CCDC92B: variants seen among roughly 807,000 people sequenced by gnomAD.
The protein encoded by CCDC92B is coiled-coil domain-containing 92B.
A neutral mutation model predicts 5.6 loss-of-function variants in CCDC92B; 2 were observed. The ratio of observed to expected loss-of-function variants is 0.36; its 90% CI spans 0.15 to 1.12. CCDC92B has a LOEUF of 1.12. CCDC92B is among the 50% of genes most tolerant of loss of function. The pLI, the probability that CCDC92B is intolerant of heterozygous loss-of-function variation, is 0.40. For synonymous variants in CCDC92B, 115 were observed against 122.3 expected, an observed-to-expected ratio of 0.94 and a Z score of 0.39; for missense variants, 271 against 262.2, an observed-to-expected ratio of 1.03 and a Z score of -0.23.
intron 1 of CCDC92B, among the ~76,000 whole-genome samples, chr17:2,741,788 T>A (rs1473442594): frequency 6.6e-6 from 1 of 150,878 alleles, no homozygotes; most frequent in Non-Finnish European, 1.5e-5. Flanking sequence ...GAGATGGAGT[T>A]TCACCGTGTT....
chr17:2,733,943 A>G (rs1013308285), intron 2 of CCDC92B, among the ~76,000 whole-genome samples: 4 of 151,332 alleles, frequency 2.6e-5, no homozygotes, highest in Admixed American at 1.3e-4. Context: ...TATTTTTAGT[A>G]GAGACGGGGT....
intron 1 of CCDC92B, among the ~76,000 whole-genome samples, chr17:2,745,373 A>G (rs901242079): frequency 1.3e-5 from 2 of 152,096 alleles, no homozygotes; most frequent in African/African-American, 2.4e-5. Flanking sequence ...CTGAAGAGTA[A>G]AAACCCTTCC....
chr17:2,736,810 G>A (rs1416501911), intron 1 of CCDC92B, among the ~76,000 whole-genome samples: 2 of 151,732 alleles, frequency 1.3e-5, no homozygotes, highest in Non-Finnish European at 2.9e-5. Flanking sequence ...GAACCCGGGA[G>A]GTGGAAGCTC....
intron 3 of CCDC92B, among the ~76,000 whole-genome samples, chr17:2,729,882 TA>T (rs1266250322): frequency 1.3e-5 from 2 of 152,170 alleles, no homozygotes; most frequent in African/African-American, 2.4e-5. Flanking sequence ...CAGGATTTAC[TA>T]ATGTGTGTGT....
At chr17:2,745,923 T>C (rs570421762) in intron 1 of CCDC92B, among the ~76,000 whole-genome samples, 5 of 152,316 alleles carry the variant, frequency 3.3e-5, no homozygotes, top group Non-Finnish European at 7.4e-5. Context: ...CTCCTTCTTC[T>C]GGTTCTCTGA....
At position 2,724,767 on chromosome 17, in the gene CCDC92B, C is replaced by A. The variant is rs2070705020; in HGVS notation, c.412G>T (p.Ala138Ser). ...GCGTGCAGCTGGCAGGAGAGGTAGG[C>A]GGCCGCCTCGGTGTGCTTCTGCAGC... Reference protein sequence around the residue: ...TELQKHTEAAAYLSCQLHAAR... With the variant: ...TELQKHTEAASYLSCQLHAAR... Residue 138 changes from alanine to serine, a missense_variant, in exon 4 of 4, where the codon GCC (alanine) becomes TCC (serine). By Grantham distance (99) the Ala-to-Ser change is moderately conservative (BLOSUM62 1). Coordinates refer to ENST00000614400, the MANE Select transcript of CCDC92B (RefSeq NM_001355573.2). The surrounding 1 kb of genome is among the most constrained non-coding windows in gnomAD (Gnocchi z 5.0). 7.1e-6 allele frequency: 7 copies of A among 983,404 alleles called. No homozygotes were observed. In the African/African-American group the frequency reaches 1.2e-4, roughly 17 times the overall value. 60.9% of individuals were successfully genotyped at this position (983,404 alleles called of 1,614,324 possible).
In CCDC92B at chr17:2,722,026, G is replaced by A. The variant is rs1429920102; in HGVS notation, c.*2385C>T. 1 of 152,150 alleles carries A rather than the reference G, an allele frequency of 6.6e-6. No homozygotes were observed. Among genetic ancestry groups the A allele is most frequent in the African/African-American group, 2.4e-5 (1 of 41,392 alleles). The allele number at this position is 152,150 out of a possible 1,614,324, so 9.4% of individuals were successfully genotyped here. On this transcript the variant is annotated 3_prime_UTR_variant, in exon 4 of 4. Coordinates refer to ENST00000614400, the MANE Select transcript of CCDC92B (RefSeq NM_001355573.2). Reference sequence around the variant, plus strand: ...GCTGGGGGGAGGCCAGGCGGACGGAGCTATGGCTTTTAGTGGGTGGGTGGG... The same window carrying A: ...GCTGGGGGGAGGCCAGGCGGACGGAACTATGGCTTTTAGTGGGTGGGTGGG...
chr17:2,738,631 G>C (rs2070881650), intron 1 of CCDC92B, among the ~76,000 whole-genome samples: 1 of 151,640 alleles, frequency 6.6e-6, no homozygotes, highest in African/African-American at 2.4e-5. Flanking sequence ...GTGGTGGCGG[G>C]CGCCTGTAGT....
At chr17:2,739,208 A>C (rs1472492731) in intron 1 of CCDC92B, among the ~76,000 whole-genome samples, 2 of 150,382 alleles carry the variant, frequency 1.3e-5, no homozygotes, top group East Asian at 3.9e-4. Flanking sequence ...TCTACTAAAA[A>C]TACAAAAAAT....
At chr17:2,729,874 G>T (rs2070774385) in intron 3 of CCDC92B, among the ~76,000 whole-genome samples, 1 of 152,124 alleles carries the variant, frequency 6.6e-6, no homozygotes, top group Non-Finnish European at 1.5e-5. Context: ...GTAAAATGCA[G>T]GATTTACTAA....
At chr17:2,740,036 T>G (rs1168617790) in intron 1 of CCDC92B, among the ~76,000 whole-genome samples, 1 of 152,026 alleles carries the variant, frequency 6.6e-6, no homozygotes, top group African/African-American at 2.4e-5. Flanking sequence ...TAAGGGCCAC[T>G]AAAGAGACCT....
At chr17:2,749,166 CG>C (rs2071024965) in intron 1 of CCDC92B, among the ~76,000 whole-genome samples, 1 of 152,156 alleles carries the variant, frequency 6.6e-6, no homozygotes, top group Non-Finnish European at 1.5e-5. Flanking sequence ...GTGTGCGTGG[CG>C]GGAGGTGGCG....
chr17:2,725,069 G>A (rs1597231806), intron 3 of CCDC92B, 69 bp from the exon 4 acceptor site: 1 of 984,512 alleles, frequency 1.0e-6, no homozygotes, highest in Non-Finnish European at 1.2e-6. Flanking sequence ...ACGGCTCAGA[G>A]CTCCGTGTAA....
intron 2 of CCDC92B, among the ~76,000 whole-genome samples, chr17:2,733,618 T>A (rs1412188198): frequency 6.6e-6 from 1 of 152,106 alleles, no homozygotes; most frequent in South Asian, 2.1e-4. Flanking sequence ...GCTGAGATAC[T>A]TGGGCCATTC....
In CCDC92B at chr17:2,735,036, C is replaced by T. The variant is rs2070842180; in HGVS notation, c.110G>A (p.Arg37Lys). The T allele has an allele frequency of 1.0e-6, 1 of 985,474 alleles. No individual in the cohort carries two copies. Among genetic ancestry groups the T allele is most frequent in the African/African-American group, 1.7e-5 (1 of 57,240 alleles). 61.0% of individuals were successfully genotyped at this position (985,474 alleles called of 1,614,324 possible). The change falls in exon 2 of 4, where the codon AGG becomes AAG. Residue 37 changes from arginine (R) to lysine (K), a missense_variant. Transcript: ENST00000614400. ...CTCACCTGAGCAGCGTTTCTGCAGC[C>T]TCAGGATCTCCAGGTGCAGGTCTCG... The part of the protein sequence containing the change: ...LLRDLHLEIL[R>K]LQKRCSELTH...
chr17:2,727,277 T>TTG (rs2070740437), intron 3 of CCDC92B, among the ~76,000 whole-genome samples: 3 of 152,212 alleles, frequency 2.0e-5, no homozygotes, highest in Non-Finnish European at 4.4e-5. Flanking sequence ...CCCAGAGAGC[T>TTG]TTAACCAGTG....
intron 3 of CCDC92B, among the ~76,000 whole-genome samples, chr17:2,729,735 C>G (rs1401238772): frequency 6.6e-6 from 1 of 152,124 alleles, no homozygotes; most frequent in Non-Finnish European, 1.5e-5. Flanking sequence ...TGCAGCAGAT[C>G]TTTAGAACTT....
intron 1 of CCDC92B, among the ~76,000 whole-genome samples, chr17:2,740,169 C>T (rs1273826959): frequency 3.3e-5 from 5 of 151,988 alleles, no homozygotes; most frequent in East Asian, 1.9e-4. Context: ...AGTTCCAGGA[C>T]GGTCCCCAAG....
At chr17:2,729,068 T>A (rs1597235449) in intron 3 of CCDC92B, among the ~76,000 whole-genome samples, 1 of 152,152 alleles carries the variant, frequency 6.6e-6, no homozygotes, top group African/African-American at 2.4e-5. Context: ...GACAGAGTCT[T>A]ACTATTTTGT....
Sources: gnomAD v4.1 joint callset for allele counts (sites outside exome capture counted in the v4.1 genomes callset) on GRCh38, gnomAD v4.1.1 for gene constraint, Gnocchi (gnomAD v3.1) non-coding constraint, MANE v1.5 for transcripts, NCBI Gene and HGNC (gene_info 2026-07-23, HGNC 2026-07-21) for gene names.